The following IRAK1 variants were observed in gnomAD, a reference collection of about 807,000 sequenced individuals.
IRAK1 encodes interleukin-1 receptor-associated kinase 1.
IRAK1 carries 9 observed loss-of-function variants against 49.8 expected under a neutral mutation model. The observed-to-expected ratio is 0.18, with a 90% confidence interval of 0.11 to 0.32. The LOEUF (loss-of-function observed/expected upper bound fraction) is 0.32, where lower values mean the gene tolerates loss of function less well. IRAK1 is among the 10% of genes least tolerant of loss of function. IRAK1 has a pLI of 1.00. For synonymous variants in IRAK1, 282 were observed against 270.8 expected (o/e 1.04, Z -0.41); for missense variants, 418 against 600.5 (o/e 0.70, Z 3.18).
chrX:154,013,288 T>G lies in IRAK1; in HGVS notation c.1685A>C (p.Gln562Pro), dbSNP rs1224876847. The change falls in exon 12 of 14, where the codon CAG becomes CCG. Residue 562 changes from glutamine to proline, a missense_variant. Physicochemically the swap from Gln to Pro is moderately conservative, Grantham distance 76. Around this residue, in one of 3 missense-constraint regions of IRAK1, gnomAD observed 377 missense variants for 499.5 expected, o/e 0.75. Coordinates refer to ENST00000369980, the MANE Select transcript of IRAK1 (RefSeq NM_001569.4). Reference protein sequence around the residue: ...GRAHSGAAPWQPLAAPSGASA... With the variant: ...GRAHSGAAPWPPLAAPSGASA... The stretch of plus-strand genomic sequence containing the variant: ...GGCTCCTGATGGCGCTGCCAGGGGC[T>G]GCCATGGAGCAGCCCCACTGTGGGC... 2.5e-6 allele frequency: 3 copies of G among 1,209,362 alleles called. No homozygotes were observed. The highest frequency in any genetic ancestry group is 3.5e-5 in the African/African-American group (2 of 57,648).
chrX:154,012,683 G>A lies in IRAK1; in HGVS notation c.1931-5C>T, dbSNP rs1373254359. On this transcript the variant is annotated splice_region_variant and splice_polypyrimidine_tract_variant and intron_variant, in intron 12 of 13. Coordinates refer to ENST00000369980, the MANE Select transcript of IRAK1 (RefSeq NM_001569.4). ...CAGAGCTGCCAAGGGCCAGTCCTGG[G>A]GTGGAGATGGCACTCCCTTAGCCTC... 3.3e-6 allele frequency: 4 copies of A among 1,207,233 alleles called. No individual in the cohort carries two copies. In the African/African-American group the frequency reaches 5.2e-5, roughly 16 times the overall value.
chrX:154,016,291 G>C (rs1306890143), intron 9 of IRAK1, 146 bp downstream of exon 9: 18 of 595,292 alleles, frequency 3.0e-5, no homozygotes, highest in Non-Finnish European at 4.9e-5. Flanking sequence ...GTGAGGAGGA[G>C]GGCCTCGGAG....
At chrX:154,016,192 A>G in intron 9 of IRAK1, 95 bp from the exon 10 acceptor site, 1 of 776,573 alleles carries the variant, frequency 1.3e-6, no homozygotes, top group Non-Finnish European at 2.0e-6. Context: ...GGTGTGGACA[A>G]AGGCAGAGCC....
chrX:154,016,052 C>A lies in IRAK1; in HGVS notation c.1282G>T (p.Gly428Cys), dbSNP rs191308674. The change falls in exon 10 of 14, where the codon GGT becomes TGT. Residue 428 changes from glycine to cysteine, a missense_variant. Gly to Cys is a radical substitution (Grantham distance 159). Coordinates refer to ENST00000369980, the MANE Select transcript of IRAK1 (RefSeq NM_001569.4). ...CTCACCAGATACTTGGTCCTGGCAC[C>A]GTGCGTCTTCACAGCCCTCTGACCA... Reference protein sequence around the residue: ...LAGQRAVKTHGARTKYLKDLV... With the variant: ...LAGQRAVKTHCARTKYLKDLV... The A allele has an allele frequency of 8.3e-7, 1 of 1,208,753 alleles. No homozygotes were observed. Among genetic ancestry groups the A allele is most frequent in the African/African-American group, 1.7e-5 (1 of 57,240 alleles).
At chrX:154,016,814 C>T in intron 8 of IRAK1, 135 bp downstream of exon 8, 1 of 620,324 alleles carries the variant, frequency 1.6e-6, no homozygotes, top group Admixed American at 2.6e-5. Flanking sequence ...TAGGGCCCAT[C>T]CTTGGCCCGT....
chrX:154,017,609 A>G (rs1036829233), intron 7 of IRAK1, among the ~76,000 whole-genome samples: 1 of 110,568 alleles, frequency 9.0e-6, no homozygotes, highest in South Asian at 3.8e-4. Flanking sequence ...TAGCCTGGCC[A>G]ATGTGGCAAA....
At position 154,016,042 on chromosome X, in the gene IRAK1, G is replaced by A; in HGVS notation, c.1292C>T (p.Thr431Ile). 2.5e-6 allele frequency: 3 copies of A among 1,209,657 alleles called. No homozygotes were observed. The highest frequency in any genetic ancestry group is 3.4e-6 in the Non-Finnish European group (3 of 893,625). The stretch of plus-strand genomic sequence containing the variant: ...CCTCAAGGGGCTCACCAGATACTTG[G>A]TCCTGGCACCGTGCGTCTTCACAGC... ...QRAVKTHGAR[T>I]KYLKDLVEEE... Residue 431 changes from threonine to isoleucine, a missense_variant, in exon 10 of 14, where the codon ACC becomes ATC. Transcript: ENST00000369980.
At chrX:154,016,396 G>T in intron 9 of IRAK1, 41 bp downstream of exon 9, 1 of 1,155,848 alleles carries the variant, frequency 8.7e-7, no homozygotes, top group South Asian at 1.8e-5. Context: ...CCTGCCTGTG[G>T]CTTCTCCTCC....
intron 7 of IRAK1, 67 bp downstream of exon 7, chrX:154,017,939 C>G (rs2065751530): frequency 1.2e-6 from 1 of 835,526 alleles, no homozygotes; most frequent in Non-Finnish European, 1.8e-6. Flanking sequence ...AGGCCCCGCG[C>G]CCGGCTCCAG....
chrX:154,013,652 C>T (rs1426193384), intron 11 of IRAK1, among the ~76,000 whole-genome samples: 3 of 113,094 alleles, frequency 2.7e-5, no homozygotes, highest in East Asian at 2.8e-4. Context: ...AGAATGGCCT[C>T]GTTCTTTTCT....
chrX:154,010,980 T>G lies in IRAK1; in HGVS notation c.*879A>C. 1 of 342,756 alleles carries G rather than the reference T, an allele frequency of 2.9e-6. No homozygotes were observed. The highest frequency in any genetic ancestry group is 5.9e-6 in the Non-Finnish European group (1 of 170,247). The allele number at this position is 342,756 out of a possible 1,213,427, so 28.2% of individuals were successfully genotyped here. A position where few individuals can be genotyped will look rare whatever the true frequency, so the allele number is the denominator to read the frequency against. ...GGTCCCCAGTAAAGCCTGAAGACACTGGCCCGAGGTTGGAGGTGGGTGCTG... is the reference window on the plus strand; with the variant it reads ...GGTCCCCAGTAAAGCCTGAAGACACGGGCCCGAGGTTGGAGGTGGGTGCTG... On this transcript the variant is annotated 3_prime_UTR_variant, in exon 14 of 14. Transcript: ENST00000369980.
In IRAK1 at chrX:154,019,424, C is replaced by G; in HGVS notation, c.304+7G>C. The G allele has an allele frequency of 9.0e-7, 1 of 1,111,644 alleles. No homozygotes were observed. Among genetic ancestry groups the G allele is most frequent in the South Asian group, 2.1e-5 (1 of 48,691 alleles). The allele number at this position is 1,111,644 out of a possible 1,213,427, so 91.6% of individuals were successfully genotyped here. A position where few individuals can be genotyped will look rare whatever the true frequency, so the allele number is the denominator to read the frequency against. ...CAGCCGTGGGGTGCCCGGAGTCCCG[C>G]GCTCACAGGCTGTGATGATGTCCCG... is the stretch of plus-strand genomic sequence containing the variant. On this transcript the variant is annotated splice_region_variant and intron_variant, in intron 2 of 13. Coordinates refer to ENST00000369980, the MANE Select transcript of IRAK1 (RefSeq NM_001569.4).
Position 154,013,254 on chromosome X carries a change from C to T in IRAK1, c.1719G>A (p.Gln573=). ...GGCCTCTCTGCAGCTGCTCTGCTGC[C>T]TGGGCACTGGCTCCTGATGGCGCTG... is the stretch of plus-strand genomic sequence containing the variant. ...PLAAPSGASA[Q]AAEQLQRGPN... Residue 573 remains glutamine (Q), a synonymous_variant, in exon 12 of 14, where the codon CAG becomes CAA. Coordinates refer to ENST00000369980, the MANE Select transcript of IRAK1 (RefSeq NM_001569.4). 1 of 1,210,057 alleles carries T rather than the reference C, an allele frequency of 8.3e-7. No homozygotes were observed. The highest frequency in any genetic ancestry group is 1.1e-6 in the Non-Finnish European group (1 of 894,956).
At chrX:154,018,819 C>A (rs1557130463) in intron 4 of IRAK1, 32 bp from the exon 5 acceptor site, 1 of 753,339 alleles carries the variant, frequency 1.3e-6, no homozygotes, top group Non-Finnish European at 2.0e-6. Flanking sequence ...CAGGTGGGGT[C>A]CCTGTCTCTT....
At position 154,017,087 on chromosome X, in the gene IRAK1, CA is replaced by C. The variant is rs782622694; in HGVS notation, c.910-21del. 1.3e-5 allele frequency: 14 copies of C among 1,044,409 alleles called. No individual in the cohort carries two copies. Among genetic ancestry groups the C allele is most frequent in the Non-Finnish European group, 1.6e-5 (12 of 742,883 alleles). 86.1% of individuals were successfully genotyped at this position (1,044,409 alleles called of 1,213,427 possible). ...CTGGGTCTGGGGTGGCAAAGGGGGA[CA>C]GGGGAGGTTGCTGGATGGCCGTTCC... On this transcript the variant is annotated intron_variant, in intron 7 of 13. Transcript: ENST00000369980.
At chrX:154,018,886 G>A (rs2148643128) in intron 4 of IRAK1, 89 bp downstream of exon 4, 1 of 888,360 alleles carries the variant, frequency 1.1e-6, no homozygotes, top group East Asian at 3.2e-5. Context: ...AGCTGACCCA[G>A]CTTGGCTGAC....
In IRAK1 at chrX:154,019,849, T is replaced by C; in HGVS notation, c.-37A>G. 1.3e-6 allele frequency: 1 copy of C among 755,932 alleles called. No individual in the cohort carries two copies. Among genetic ancestry groups the C allele is most frequent in the Non-Finnish European group, 1.6e-6 (1 of 635,381 alleles). 62.3% of individuals were successfully genotyped at this position (755,932 alleles called of 1,213,427 possible). On this transcript the variant is annotated 5_prime_UTR_variant, in exon 1 of 14. Transcript: ENST00000369980. ...CCGGGCCGGGACCTGCCGGGGCCTC[T>C]CAGGGCCGCGGCGGGCGCGGGCCTG...
rs2065690736 is a variant in IRAK1 at position 154,010,628 on chromosome X, C to T, written c.*1231G>A. The T allele has an allele frequency of 1.0e-5, 2 of 192,402 alleles. No individual in the cohort carries two copies. The highest frequency in any genetic ancestry group is 2.0e-5 in the Non-Finnish European group (2 of 99,782). The allele number at this position is 192,402 out of a possible 1,213,427, so 15.9% of individuals were successfully genotyped here. A position where few individuals can be genotyped will look rare whatever the true frequency, so the allele number is the denominator to read the frequency against. On this transcript the variant is annotated 3_prime_UTR_variant, in exon 14 of 14. Coordinates refer to ENST00000369980, the MANE Select transcript of IRAK1 (RefSeq NM_001569.4). ...TCACTGTGAAGCCTGTGCTACAGCC[C>T]TGGGCTACTTTTGGACACGCAAGAG...
Position 154,013,750 on chromosome X carries a change from G to A in IRAK1, c.1539+292C>T, listed in dbSNP as rs868957695. 8.0e-5 allele frequency among the ~76,000 whole-genome samples: 9 copies of A among 113,020 alleles called. No homozygotes were observed. The Middle Eastern group carries it at 0.014, about 174-fold the overall frequency. ...AGAGGAGAAGAGGTGGGGTACTAGG[G>A]AGGGGACAGAAAAAGGCAGATGCAG... is the stretch of plus-strand genomic sequence containing the variant. On this transcript the variant is annotated intron_variant, in intron 11 of 13. Coordinates refer to ENST00000369980, the MANE Select transcript of IRAK1 (RefSeq NM_001569.4).
Sources: gnomAD v4.1 joint callset for allele counts (sites outside exome capture counted in the v4.1 genomes callset) on GRCh38, gnomAD v4.1.1 for gene constraint, gnomAD v4.1.1 regional missense constraint, MANE v1.5 for transcripts, NCBI Gene and HGNC (gene_info 2026-07-23, HGNC 2026-07-21) for gene names.